SHISA9: variants seen among roughly 807,000 people sequenced by gnomAD.
SHISA9 encodes the protein shisa family member 9, also known as protein shisa-9.
Under a neutral mutation model 38.0 loss-of-function variants are expected in SHISA9, and 13 were observed. The observed-to-expected ratio is 0.34, with a 90% confidence interval of 0.22 to 0.54. The LOEUF is 0.54. Ranked by LOEUF, SHISA9 falls within the 20% of genes least tolerant of loss-of-function variation. The probability of loss-of-function intolerance (pLI) is 0.91; values close to 1 mark genes in which losing one functional copy is unlikely to be tolerated. For synonymous variants in SHISA9, 275 were observed against 242.0 expected, an observed-to-expected ratio of 1.14 and a Z score of -1.27; for missense variants, 538 against 575.8, an observed-to-expected ratio of 0.93 and a Z score of 0.67.
intron 2 of SHISA9, among the ~76,000 whole-genome samples, chr16:13,086,189 C>G (rs1273707287): frequency 6.6e-6 from 1 of 151,806 alleles, no homozygotes; most frequent in African/African-American, 2.4e-5. Context: ...AACCCTGTCT[C>G]TACTAAAATA....
At chr16:12,940,529 A>T (rs891683047) in intron 2 of SHISA9, among the ~76,000 whole-genome samples, 3 of 151,876 alleles carry the variant, frequency 2.0e-5, no homozygotes, top group African/African-American at 7.3e-5. Flanking sequence ...GTGCGGTCCA[A>T]CCCTAGCCAA....
At chr16:12,915,151 A>G (rs773149353) in intron 1 of SHISA9, among the ~76,000 whole-genome samples, 1 of 152,172 alleles carries the variant, frequency 6.6e-6, no homozygotes, top group Non-Finnish European at 1.5e-5. Context: ...TCTGTGGTAC[A>G]GAGGAGGCCG....
At chr16:13,061,388 T>C (rs2073373966) in intron 2 of SHISA9, among the ~76,000 whole-genome samples, 1 of 152,230 alleles carries the variant, frequency 6.6e-6, no homozygotes, top group Non-Finnish European at 1.5e-5. Flanking sequence ...ATAATCCTTT[T>C]TTTGGTTGTT....
intron 1 of SHISA9, among the ~76,000 whole-genome samples, chr16:12,911,939 T>C (rs993872357): frequency 2.0e-5 from 3 of 152,252 alleles, no homozygotes; most frequent in African/African-American, 7.2e-5. Context: ...CCACAATTAC[T>C]TTTACCCCAA....
At chr16:13,058,328 T>G (rs998308449) in intron 2 of SHISA9, among the ~76,000 whole-genome samples, 1 of 152,190 alleles carries the variant, frequency 6.6e-6, no homozygotes, top group Non-Finnish European at 1.5e-5. Context: ...TAGCATTGGC[T>G]GAAATTGGGA....
chr16:13,441,632 T>C, the SHISA9 span, among the ~76,000 whole-genome samples: 2 of 152,168 alleles, frequency 1.3e-5, no homozygotes, highest in Admixed American at 1.3e-4. Flanking sequence ...CTGCATGTTT[T>C]CTATAAGTGA....
At chr16:13,203,987 C>T (rs142341162) in intron 3 of SHISA9, among the ~76,000 whole-genome samples, 2 of 152,212 alleles carry the variant, frequency 1.3e-5, no homozygotes, top group Non-Finnish European at 2.9e-5. Flanking sequence ...ATCCACCCAT[C>T]CACCTATTCA....
the SHISA9 span, among the ~76,000 whole-genome samples, chr16:13,505,025 G>C: frequency 6.6e-6 from 1 of 152,170 alleles, no homozygotes; most frequent in African/African-American, 2.4e-5. Context: ...CCAGGAATTA[G>C]AGAAAGGCTG....
intron 2 of SHISA9, among the ~76,000 whole-genome samples, chr16:13,185,362 T>C (rs1168092683): frequency 6.6e-6 from 1 of 152,076 alleles, no homozygotes; most frequent in Non-Finnish European, 1.5e-5. Flanking sequence ...ACACCATGCC[T>C]GGCTACTTAA....
At chr16:12,916,238 G>A (rs2071255002) in intron 1 of SHISA9, among the ~76,000 whole-genome samples, 1 of 152,070 alleles carries the variant, frequency 6.6e-6, no homozygotes, top group African/African-American at 2.4e-5. Flanking sequence ...GTGCTGTTTT[G>A]TTTAGTTAAG....
At chr16:13,038,085 G>A (rs1410350014) in intron 2 of SHISA9, among the ~76,000 whole-genome samples, 1 of 152,204 alleles carries the variant, frequency 6.6e-6, no homozygotes, top group Non-Finnish European at 1.5e-5. Flanking sequence ...CGCCTCCCGA[G>A]TTCAAGCGAT....
At chr16:13,529,268 A>G in the SHISA9 span, among the ~76,000 whole-genome samples, 1 of 152,238 alleles carries the variant, frequency 6.6e-6, no homozygotes, top group Admixed American at 6.5e-5. Context: ...CAAAAGGTCA[A>G]TCTGGATTGT....
chr16:13,047,255 T>C (rs1245736961), intron 2 of SHISA9, among the ~76,000 whole-genome samples: 2 of 151,626 alleles, frequency 1.3e-5, no homozygotes, highest in Non-Finnish European at 2.9e-5. Flanking sequence ...CTGCCCATCA[T>C]GGGAAGAAGG....
chr16:13,279,195 G>C, the SHISA9 span, among the ~76,000 whole-genome samples: 4 of 151,880 alleles, frequency 2.6e-5, no homozygotes, highest in Non-Finnish European at 5.9e-5. Flanking sequence ...GTATTTGCGT[G>C]GTTCTGAAGG....
In SHISA9 at chr16:13,239,030, T is replaced by C. The variant is rs1192030095; in HGVS notation, c.*3621T>C. 4.9e-5 allele frequency: 6 copies of C among 122,790 alleles called. No individual in the cohort carries two copies. Among genetic ancestry groups the C allele is most frequent in the African/African-American group, 1.9e-4 (6 of 32,354 alleles). The allele number at this position is 122,790 out of a possible 1,614,324, so 7.6% of individuals were successfully genotyped here. Reference sequence around the variant, plus strand: ...TCCCCAGAGTGTGATGTTCCCCTTCTTGTGTCCATGTGTTCTCATTGTTCA... The same window carrying C: ...TCCCCAGAGTGTGATGTTCCCCTTCCTGTGTCCATGTGTTCTCATTGTTCA... On this transcript the variant is annotated 3_prime_UTR_variant, in exon 5 of 5. Transcript: ENST00000558583.
rs927309520 is a variant in SHISA9, at chr16:13,225,761, C to T, written c.896-9269C>T. Reference sequence around the variant, plus strand: ...ATTACCTTGACGTTCTCCCTTTCCACGGAAGCCAGGCTCCATCCCGCCCCG... The same window carrying T: ...ATTACCTTGACGTTCTCCCTTTCCATGGAAGCCAGGCTCCATCCCGCCCCG... On this transcript the variant is annotated intron_variant, in intron 4 of 4. Transcript: ENST00000558583. Among the ~76,000 whole-genome samples, 3 of 152,256 alleles carry T rather than the reference C, an allele frequency of 2.0e-5. 1 individual carries two copies. Among genetic ancestry groups the T allele is most frequent in the South Asian group, 4.1e-4 (2 of 4,822 alleles).
At chr16:13,554,188 T>C in the SHISA9 span, among the ~76,000 whole-genome samples, 25 of 151,824 alleles carry the variant, frequency 1.6e-4, no homozygotes, top group Non-Finnish European at 3.4e-4. Context: ...CCTCCAGGGG[T>C]GGGCTCTGAT....
chr16:12,975,402 G>A (rs1273750375), intron 2 of SHISA9, among the ~76,000 whole-genome samples: 1 of 152,002 alleles, frequency 6.6e-6, no homozygotes, highest in African/African-American at 2.4e-5. Context: ...TACTCAGGAG[G>A]CTAAGGCAGG....
At chr16:13,233,596 A>T (rs1175112365) in intron 4 of SHISA9, among the ~76,000 whole-genome samples, 2 of 152,250 alleles carry the variant, frequency 1.3e-5, no homozygotes, top group Non-Finnish European at 2.9e-5. Context: ...GAACAAAAGC[A>T]GCTATGGATA....
Sources: gnomAD v4.1 joint callset for allele counts (sites outside exome capture counted in the v4.1 genomes callset) on GRCh38, gnomAD v4.1.1 for gene constraint, MANE v1.5 for transcripts, NCBI Gene and HGNC (gene_info 2026-07-23, HGNC 2026-07-21) for gene names.